The following OTP variants were observed in gnomAD, a reference collection of about 807,000 sequenced individuals.
OTP encodes homeobox protein orthopedia.
In OTP, 5 loss-of-function variants were observed where a neutral mutation model predicts 22.3. The ratio of observed to expected loss-of-function variants is 0.22; its 90% CI spans 0.12 to 0.47. The LOEUF (loss-of-function observed/expected upper bound fraction) is 0.47, where lower values mean the gene tolerates loss of function less well. Among genes scored for constraint, OTP ranks in the 20% least tolerant of loss-of-function variants. The pLI, the probability that OTP is intolerant of heterozygous loss-of-function variation, is 0.99. For synonymous variants in OTP, 229 were observed against 210.6 expected, an observed-to-expected ratio of 1.09 and a Z score of -0.76; for missense variants, 428 against 456.2, an observed-to-expected ratio of 0.94 and a Z score of 0.56.
Position 77,637,221 on chromosome 5 carries a change from T to C in OTP, c.47A>G (p.Asp16Gly), listed in dbSNP as rs1348327210. The change falls in exon 2 of 3, where the codon GAT (aspartate) becomes GGT (glycine). Residue 16 changes from aspartate to glycine, a missense_variant. Physicochemically the swap from Asp to Gly is moderately conservative, Grantham distance 94. This residue lies in a region of OTP where 176 missense variants were observed against 162.9 expected (regional missense o/e 1.08). Coordinates refer to ENST00000306422, the MANE Select transcript of OTP (RefSeq NM_032109.3). ...DLLDARLGMK[D>G]AAELLGHREA... is the part of the protein sequence containing the mutation. ...CCGGTGGCCCAGAAGCTCGGCGGCATCTTTCATACCTGAGGAGGCAAGGGG... is the reference window on the plus strand; with the variant it reads ...CCGGTGGCCCAGAAGCTCGGCGGCACCTTTCATACCTGAGGAGGCAAGGGG... 6.6e-7 allele frequency: 1 copy of C among 1,519,448 alleles called. No individual in the cohort carries two copies. Among genetic ancestry groups the C allele is most frequent in the Non-Finnish European group, 8.8e-7 (1 of 1,134,608 alleles). 94.1% of individuals were successfully genotyped at this position (1,519,448 alleles called of 1,614,324 possible).
intron 2 of OTP, among the ~76,000 whole-genome samples, chr5:77,635,591 A>C (rs1005233480): frequency 1.3e-5 from 2 of 152,256 alleles, no homozygotes; most frequent in Admixed American, 6.5e-5. Context: ...AGTTTAGACT[A>C]TCTTTAAAAT....
At chr5:77,637,657 G>C (rs1394335429) in intron 1 of OTP, among the ~76,000 whole-genome samples, 1 of 152,180 alleles carries the variant, frequency 6.6e-6, no homozygotes, top group African/African-American at 2.4e-5. Flanking sequence ...GCAGCCTGAC[G>C]AACTGTACCT....
At chr5:77,638,491 C>G in intron 1 of OTP, 22 bp downstream of exon 1, 2 of 1,567,894 alleles carry the variant, frequency 1.3e-6, no homozygotes, top group East Asian at 2.4e-5. Context: ...CCTGGCTGCC[C>G]GGGCGAGAGG....
chr5:77,633,766 G>A (rs1327048843), intron 2 of OTP, among the ~76,000 whole-genome samples: 2 of 152,100 alleles, frequency 1.3e-5, no homozygotes, highest in African/African-American at 4.8e-5. Context: ...GAGAGAAAGA[G>A]AGAATATTAC....
rs1744906920 is a variant in OTP, at chr5:77,630,369, G to A, written c.873C>T (p.Pro291=). The A allele has an allele frequency of 6.3e-7, 1 of 1,577,010 alleles. No homozygotes were observed. The highest frequency in any genetic ancestry group is 8.6e-7 in the Non-Finnish European group (1 of 1,165,320). The change falls in exon 3 of 3, where the codon CCC becomes CCT. Residue 291 remains proline (P), a synonymous_variant. Transcript: ENST00000306422. ...LPGPSNVSGS[P]QLCSSPDSSD... The stretch of plus-strand genomic sequence containing the variant: ...TGCTGTCCGGGGAGCTGCAGAGCTG[G>A]GGCGAACCGGAGACGTTGCTGGGGC...
chr5:77,637,219 C>T lies in OTP; in HGVS notation c.49G>A (p.Ala17Thr), dbSNP rs1294878058. ...TCCCGGTGGCCCAGAAGCTCGGCGG[C>T]ATCTTTCATACCTGAGGAGGCAAGG... ...LLDARLGMKDAAELLGHREAV... is the reference protein window; with the variant it reads ...LLDARLGMKDTAELLGHREAV... The change falls in exon 2 of 3, where the codon GCC becomes ACC. Residue 17 changes from alanine (A) to threonine (T), a missense_variant. Ala to Thr is a moderately conservative substitution (Grantham distance 58). Coordinates refer to ENST00000306422, the MANE Select transcript of OTP (RefSeq NM_032109.3). 1 of 1,520,844 alleles carries T rather than the reference C, an allele frequency of 6.6e-7. No individual in the cohort carries two copies. The highest frequency in any genetic ancestry group is 2.4e-5 in the East Asian group (1 of 41,964). 94.2% of individuals were successfully genotyped at this position (1,520,844 alleles called of 1,614,324 possible). A position where few individuals can be genotyped will look rare whatever the true frequency, so the allele number is the denominator to read the frequency against.
chr5:77,638,608 T>G lies in OTP; in HGVS notation c.-59A>C. 2.1e-6 allele frequency: 3 copies of G among 1,438,832 alleles called. No homozygotes were observed. Among genetic ancestry groups the G allele is most frequent in the Non-Finnish European group, 2.8e-6 (3 of 1,071,626 alleles). 89.1% of individuals were successfully genotyped at this position (1,438,832 alleles called of 1,614,324 possible). On this transcript the variant is annotated 5_prime_UTR_variant, in exon 1 of 3. Transcript: ENST00000306422. Reference sequence around the variant, plus strand: ...CCAAATTTTAGCGGCTTTAAGTTATTTAAAATAGATATAAGCTATAAGCTA... The same window carrying G: ...CCAAATTTTAGCGGCTTTAAGTTATGTAAAATAGATATAAGCTATAAGCTA...
chr5:77,629,537 T>C lies in OTP; in HGVS notation c.*727A>G, dbSNP rs1436799756. 1 of 152,656 alleles carries C rather than the reference T, an allele frequency of 6.6e-6. No homozygotes were observed. Among genetic ancestry groups the C allele is most frequent in the East Asian group, 1.9e-4 (1 of 5,184 alleles). 9.5% of individuals were successfully genotyped at this position (152,656 alleles called of 1,614,324 possible). A position where few individuals can be genotyped will look rare whatever the true frequency, so the allele number is the denominator to read the frequency against. On this transcript the variant is annotated 3_prime_UTR_variant, in exon 3 of 3. Transcript: ENST00000306422. ...ACAAGGATAAATCAAATCATATCAG[T>C]TGGGCCCTCAGATGAGGCGGTTGGT...
At chr5:77,633,978 T>A (rs1744969483) in intron 2 of OTP, among the ~76,000 whole-genome samples, 1 of 152,124 alleles carries the variant, frequency 6.6e-6, no homozygotes, top group Non-Finnish European at 1.5e-5. Context: ...AATTTCTCAT[T>A]CCATTAGAAA....
At chr5:77,634,688 C>A (rs1322369422) in intron 2 of OTP, among the ~76,000 whole-genome samples, 4 of 152,242 alleles carry the variant, frequency 2.6e-5, no homozygotes, top group Admixed American at 2.6e-4. Flanking sequence ...GAAGTAAATA[C>A]ATTTTCCATA....
Position 77,637,153 on chromosome 5 carries a change from C to T in OTP, c.115G>A (p.Gly39Arg), listed in dbSNP as rs755630439. Residue 39 changes from glycine to arginine, a missense_variant, in exon 2 of 3, where the codon GGG becomes AGG. Gly to Arg is a moderately radical substitution (Grantham distance 125, BLOSUM62 -2). This residue lies in a region of OTP where 176 missense variants were observed against 162.9 expected (regional missense o/e 1.08). Coordinates refer to ENST00000306422, the MANE Select transcript of OTP (RefSeq NM_032109.3). The part of the protein sequence containing the change: ...CRLGVGGSDP[G>R]GHPGDLAPNS... ...GGCGCCAGGTCCCCCGGATGGCCCC[C>T]GGGGTCGGAGCCCCCCACGCCCAGC... is the stretch of plus-strand genomic sequence containing the variant. 7.6e-6 allele frequency: 12 copies of T among 1,588,098 alleles called. No homozygotes were observed. The highest frequency in any genetic ancestry group is 4.6e-5 in the East Asian group (2 of 43,854).
chr5:77,630,367 T>C lies in OTP; in HGVS notation c.875A>G (p.Gln292Arg). The C allele has an allele frequency of 6.3e-7, 1 of 1,576,396 alleles. No homozygotes were observed. Among genetic ancestry groups the C allele is most frequent in the Non-Finnish European group, 8.6e-7 (1 of 1,165,100 alleles). Residue 292 changes from glutamine to arginine, a missense_variant, in exon 3 of 3, where the codon CAG becomes CGG. Physicochemically the swap from Gln to Arg is conservative, Grantham distance 43. Transcript: ENST00000306422. ...GCTGCTGTCCGGGGAGCTGCAGAGC[T>C]GGGGCGAACCGGAGACGTTGCTGGG... ...PGPSNVSGSP[Q>R]LCSSPDSSDV...
At position 77,629,880 on chromosome 5, in the gene OTP, G is replaced by C. The variant is rs560364591; in HGVS notation, c.*384C>G. The C allele has an allele frequency of 5.7e-6, 1 of 173,928 alleles. No homozygotes were observed. Among genetic ancestry groups the C allele is most frequent in the African/African-American group, 2.4e-5 (1 of 41,614 alleles). 10.8% of individuals were successfully genotyped at this position (173,928 alleles called of 1,614,324 possible). On this transcript the variant is annotated 3_prime_UTR_variant, in exon 3 of 3. Transcript: ENST00000306422. ...CGAGGGGGGTCGTAGGCGTCGCGTC[G>C]AAGGTGTGGGTGGGAACGCCGCCCG...
chr5:77,636,400 A>G (rs2241367), intron 2 of OTP: 53,010 of 163,842 alleles, frequency 0.32, 9,105 homozygotes, highest in Admixed American at 0.38. Context: ...TGTTTTCTGT[A>G]TAATTGTTGC....
chr5:77,635,255 A>C (rs2112371128), intron 2 of OTP, among the ~76,000 whole-genome samples: 1 of 152,360 alleles, frequency 6.6e-6, no homozygotes, highest in South Asian at 2.1e-4. Flanking sequence ...CCTACAAGCA[A>C]GCACTGTCAT....
At chr5:77,632,339 G>T (rs992921816) in intron 2 of OTP, among the ~76,000 whole-genome samples, 1 of 152,160 alleles carries the variant, frequency 6.6e-6, no homozygotes, top group African/African-American at 2.4e-5. Flanking sequence ...TTAAAATCTG[G>T]TCATCTGGCG....
chr5:77,636,682 A>AT (rs1232700242), intron 2 of OTP, 139 bp downstream of exon 2: 1 of 780,462 alleles, frequency 1.3e-6, no homozygotes, highest in African/African-American at 1.8e-5. Flanking sequence ...GTAGAGAAGG[A>AT]GATAACTCGA....
chr5:77,636,983 G>A lies in OTP; in HGVS notation c.285C>T (p.Ala95=). 6.2e-7 allele frequency: 1 copy of A among 1,613,890 alleles called. No individual in the cohort carries two copies. The highest frequency in any genetic ancestry group is 8.5e-7 in the Non-Finnish European group (1 of 1,179,956). Residue 95 remains alanine (A), a synonymous_variant, in exon 2 of 3, where the codon GCC becomes GCT. Coordinates refer to ENST00000306422, the MANE Select transcript of OTP (RefSeq NM_032109.3). ...GPQGGPNPSQ[A]GQQQGQQKQK... ...GCTTCTGTTGGCCCTGCTGCTGGCC[G>A]GCTTGGCTGGGGTTCGGGCCGCCCT...
chr5:77,634,307 G>A (rs1482719275), intron 2 of OTP, among the ~76,000 whole-genome samples: 1 of 152,040 alleles, frequency 6.6e-6, no homozygotes, highest in African/African-American at 2.4e-5. Flanking sequence ...TTCTAATAAT[G>A]GCATGCTATA....
Sources: allele counts gnomAD v4.1 joint callset (sites outside exome capture counted in the v4.1 genomes callset), GRCh38; gene constraint gnomAD v4.1.1; regional missense constraint gnomAD v4.1.1; transcripts MANE v1.5; gene names NCBI Gene and HGNC (gene_info 2026-07-23, HGNC 2026-07-21).